Variants in DAB1 observed in about 807,000 individuals in gnomAD.
DAB1 encodes the protein DAB adaptor protein 1.
Under a neutral mutation model 64.6 loss-of-function variants are expected in DAB1, and 15 were observed. The ratio of observed to expected loss-of-function variants is 0.23; its 90% CI spans 0.16 to 0.36. The LOEUF (loss-of-function observed/expected upper bound fraction) is 0.36. Among genes scored for constraint, DAB1 ranks in the 10% least tolerant of loss-of-function variants. DAB1 has a pLI of 1.00. For missense variants in DAB1, 596 were observed against 706.7 expected, an observed-to-expected ratio of 0.84 and a Z score of 1.78; for synonymous variants, 235 against 251.9, an observed-to-expected ratio of 0.93 and a Z score of 0.64.
intron 3 of DAB1, among the ~76,000 whole-genome samples, chr1:58,421,675 A>G (rs1569756892): frequency 6.6e-6 from 1 of 152,324 alleles, no homozygotes; most frequent in East Asian, 1.9e-4. Context: ...GATCTGTCCC[A>G]GATGACATAC....
At chr1:57,697,509 A>G (rs551932886) in intron 6 of DAB1, among the ~76,000 whole-genome samples, 3 of 151,354 alleles carry the variant, frequency 2.0e-5, no homozygotes, top group Non-Finnish European at 4.4e-5. Flanking sequence ...TTTAATTAGC[A>G]TTGCTCATTG....
chr1:57,986,401 A>G (rs1646219498), intron 5 of DAB1, among the ~76,000 whole-genome samples: 1 of 152,150 alleles, frequency 6.6e-6, no homozygotes, highest in South Asian at 2.1e-4. Flanking sequence ...AAAATGTGCC[A>G]TCTATGAGCC....
intron 4 of DAB1, among the ~76,000 whole-genome samples, chr1:57,103,000 T>TTGCAATTA (rs1433144953): frequency 1.3e-5 from 2 of 152,080 alleles, no homozygotes; most frequent in Non-Finnish European, 2.9e-5. Context: ...ATGAAGGTCA[T>TTGCAATTA]TGCAATTATG....
In DAB1 at chr1:58,495,201, T is replaced by C. The variant is rs1020265925; in HGVS notation, n.257+10859A>G. On this transcript the variant is annotated intron_variant and non_coding_transcript_variant, in intron 3 of 20. Transcript: ENST00000485760. ...ACTAAACACTGCAGGTTCTCACTCA[T>C]AGGTGGGAACAGAACAATGAGAACA... is the stretch of plus-strand genomic sequence containing the variant. 3.3e-5 allele frequency among the ~76,000 whole-genome samples: 5 copies of C among 151,962 alleles called. No homozygotes were observed. The East Asian group carries it at 9.6e-4, about 29-fold the overall frequency.
chr1:57,941,872 A>T (rs960250905), intron 5 of DAB1, among the ~76,000 whole-genome samples: 1 of 152,164 alleles, frequency 6.6e-6, no homozygotes, highest in African/African-American at 2.4e-5. Flanking sequence ...GGGTGGTGAA[A>T]AAAAGGTACT....
chr1:57,715,839 T>G (rs995940055), intron 6 of DAB1, among the ~76,000 whole-genome samples: 4 of 152,312 alleles, frequency 2.6e-5, no homozygotes, highest in African/African-American at 9.6e-5. Flanking sequence ...AAATTAATAT[T>G]GTTAACAATG....
In DAB1 at chr1:57,156,218, A is replaced by ACTAT. The variant is rs1389514434; in HGVS notation, c.68-10793_68-10790dup. On this transcript the variant is annotated intron_variant, in intron 2 of 14. Coordinates refer to ENST00000371236, the MANE Select transcript of DAB1 (RefSeq NM_001365792.1). ...CACACCAAGTGTCATCTCATCATGC[A>ACTAT]CTATCTGACCAAAAATGAAAAATGT... Among the ~76,000 whole-genome samples the ACTAT allele has an allele frequency of 4.6e-5, 7 of 152,246 alleles. No homozygotes were observed. In the South Asian group the frequency reaches 1.0e-3, roughly 23 times the overall value.
chr1:57,172,727 T>C (rs1661904266), intron 2 of DAB1, among the ~76,000 whole-genome samples: 1 of 152,110 alleles, frequency 6.6e-6, no homozygotes, highest in African/African-American at 2.4e-5. Context: ...TGGGAACTAA[T>C]GGAATGAGAA....
intron 1 of DAB1, among the ~76,000 whole-genome samples, chr1:57,313,894 C>A (rs75131725): frequency 6.6e-6 from 1 of 152,092 alleles, no homozygotes; most frequent in Non-Finnish European, 1.5e-5. Context: ...CCCCTTCCAC[C>A]GTGTGAAGTT....
intron 3 of DAB1, among the ~76,000 whole-genome samples, chr1:58,455,291 C>T (rs1237014139): frequency 2.0e-5 from 3 of 152,372 alleles, no homozygotes; most frequent in African/African-American, 7.2e-5. Context: ...TGTAGAGTTG[C>T]CCTTCCACAG....
intron 2 of DAB1, among the ~76,000 whole-genome samples, chr1:57,223,264 G>A (rs1299699832): frequency 6.6e-6 from 1 of 152,206 alleles, no homozygotes; most frequent in Non-Finnish European, 1.5e-5. Flanking sequence ...CATCATTCAG[G>A]AAAGTGGAGC....
At chr1:58,216,308 C>G (rs753901798) in intron 4 of DAB1, among the ~76,000 whole-genome samples, 12 of 152,118 alleles carry the variant, frequency 7.9e-5, no homozygotes, top group Non-Finnish European at 1.2e-4. Flanking sequence ...AGTTAGTTTG[C>G]TGAGAATGAT....
chr1:57,059,246 A>C (rs1020865984), intron 9 of DAB1, among the ~76,000 whole-genome samples: 1 of 152,214 alleles, frequency 6.6e-6, no homozygotes, highest in Non-Finnish European at 1.5e-5. Context: ...AGATAATAAC[A>C]TAGAGGATCA....
intron 1 of DAB1, among the ~76,000 whole-genome samples, chr1:57,379,543 G>T (rs2100965529): frequency 6.6e-6 from 1 of 152,254 alleles, no homozygotes; most frequent in East Asian, 1.9e-4. Flanking sequence ...CATCAGGTGT[G>T]GTTTAGCTGC....
At chr1:58,297,214 A>G (rs1367752146) in intron 4 of DAB1, among the ~76,000 whole-genome samples, 1 of 152,164 alleles carries the variant, frequency 6.6e-6, no homozygotes, top group Non-Finnish European at 1.5e-5. Flanking sequence ...AATAATGTCT[A>G]TTTTAGAGTT....
chr1:57,283,012 C>T (rs1200000517), intron 2 of DAB1, among the ~76,000 whole-genome samples: 2 of 152,194 alleles, frequency 1.3e-5, no homozygotes, highest in Non-Finnish European at 2.9e-5. Flanking sequence ...AGAATACATT[C>T]AGGGAAGATA....
intron 6 of DAB1, among the ~76,000 whole-genome samples, chr1:57,673,531 GT>G (rs1164202424): frequency 1.3e-5 from 2 of 152,036 alleles, no homozygotes; most frequent in African/African-American, 4.8e-5. Context: ...TGTAATCAGT[GT>G]TTCTCAGGGA....
chr1:57,749,855 G>A (rs1648472805), intron 6 of DAB1, among the ~76,000 whole-genome samples: 1 of 152,172 alleles, frequency 6.6e-6, no homozygotes, highest in South Asian at 2.1e-4. Flanking sequence ...TCTGCATTCT[G>A]CTCAGTTGAC....
At chr1:57,162,970 C>T (rs1271668523) in intron 2 of DAB1, among the ~76,000 whole-genome samples, 1 of 152,202 alleles carries the variant, frequency 6.6e-6, no homozygotes, top group Admixed American at 6.5e-5. Flanking sequence ...CCCCACCCGA[C>T]AGTTGTTCCT....
Sources: allele counts gnomAD v4.1 joint callset (sites outside exome capture counted in the v4.1 genomes callset), GRCh38; gene constraint gnomAD v4.1.1; transcripts MANE v1.5; gene names NCBI Gene and HGNC (gene_info 2026-07-23, HGNC 2026-07-21).